Variants in FRMPD4 observed in about 807,000 individuals in gnomAD.
FRMPD4 encodes the protein FERM and PDZ domain containing 4.
Under a neutral mutation model 94.1 loss-of-function variants are expected in FRMPD4, and 22 were observed. The ratio of observed to expected loss-of-function variants is 0.23; its 90% CI spans 0.17 to 0.33. The LOEUF is 0.33. Among genes scored for constraint, FRMPD4 ranks in the 10% least tolerant of loss-of-function variants. FRMPD4 has a pLI of 1.00. For missense variants in FRMPD4, 1,111 were observed against 1,339.9 expected, an observed-to-expected ratio of 0.83 and a Z score of 2.67; for synonymous variants, 631 against 548.6, an observed-to-expected ratio of 1.15 and a Z score of -2.10.
rs374195755 is a variant in FRMPD4, at chrX:12,479,775, T to C, written c.42-18905T>C. On this transcript the variant is annotated intron_variant, in intron 1 of 16. Coordinates refer to ENST00000675598, the MANE Select transcript of FRMPD4 (RefSeq NM_001368397.1). ...TTGGCCTCCCAAAGTATTGGGATTA[T>C]AGGCATGAGCCACTACACCAGGCCT... 7.6e-4 allele frequency among the ~76,000 whole-genome samples: 84 copies of C among 110,439 alleles called. No individual in the cohort carries two copies. The East Asian group carries it at 0.023, about 30-fold the overall frequency.
chrX:12,560,929 C>A (rs2058652589), intron 2 of FRMPD4, among the ~76,000 whole-genome samples: 1 of 98,957 alleles, frequency 1.0e-5, no homozygotes, highest in Non-Finnish European at 2.1e-5. Context: ...GCCACTACGC[C>A]CGGCTAATTT....
intron 1 of FRMPD4, among the ~76,000 whole-genome samples, chrX:12,266,088 A>G (rs1350979856): frequency 2.1e-5 from 2 of 97,050 alleles, no homozygotes; most frequent in African/African-American, 3.9e-5. Context: ...AGCCGAGATC[A>G]AGCCACTGCA....
rs199817174 is a variant in FRMPD4 at position 12,639,710 on chromosome X, GT to G, written c.422+24830del. Among the ~76,000 whole-genome samples the G allele has an allele frequency of 4.1e-3, 456 of 112,305 alleles. 7 individuals are homozygous for G. The highest frequency in any genetic ancestry group is 0.04 in the Admixed American group (425 of 10,566). ...ATGTGTTCTTCCATGATTAATATATGTGAGTATATAATGCTTCACAAATAGT... is the reference window on the plus strand; with the variant it reads ...ATGTGTTCTTCCATGATTAATATATGGAGTATATAATGCTTCACAAATAGT... On this transcript the variant is annotated intron_variant, in intron 4 of 16. Transcript: ENST00000675598.
chrX:12,299,139 C>T (rs1365989333), intron 1 of FRMPD4, among the ~76,000 whole-genome samples: 1 of 111,819 alleles, frequency 8.9e-6, no homozygotes, highest in Non-Finnish European at 1.9e-5. Flanking sequence ...CACATGCATT[C>T]AGTTTAAGAA....
At chrX:12,008,363 C>A (rs187918865) in intron 3 of FRMPD4, among the ~76,000 whole-genome samples, 458 of 111,753 alleles carry the variant, frequency 4.1e-3, no homozygotes, top group Non-Finnish European at 6.7e-3. Context: ...TGGCTGACAT[C>A]AGGACTTTAG....
intron 1 of FRMPD4, among the ~76,000 whole-genome samples, chrX:12,315,395 C>T (rs1181055768): frequency 1.8e-5 from 2 of 112,095 alleles, no homozygotes; most frequent in Non-Finnish European, 3.8e-5. Flanking sequence ...TCACTGACCA[C>T]TTGTACTGCA....
intron 3 of FRMPD4, among the ~76,000 whole-genome samples, chrX:12,058,316 G>A (rs183266354): frequency 5.5e-4 from 62 of 111,715 alleles, no homozygotes; most frequent in Non-Finnish European, 1.1e-3. Context: ...ACATGAGGCA[G>A]ATAGGGGAAG....
chrX:12,343,654 G>A (rs1262539197), intron 1 of FRMPD4, among the ~76,000 whole-genome samples: 2 of 111,975 alleles, frequency 1.8e-5, no homozygotes, highest in Non-Finnish European at 3.8e-5. Flanking sequence ...GATAGTTAAT[G>A]TATTTTTTTA....
At position 12,086,071 on chromosome X, in the gene FRMPD4, C is replaced by CTG. The variant is rs753040402; in HGVS notation, c.95+208058_95+208059dup. Among the ~76,000 whole-genome samples, 449 of 57,316 alleles carry CTG rather than the reference C, an allele frequency of 7.8e-3. 2 individuals carry two copies. Among genetic ancestry groups the CTG allele is most frequent in the African/African-American group, 0.023 (409 of 18,038 alleles). 49.8% of individuals were successfully genotyped at this position (57,316 alleles called of 115,157 possible). Reference sequence around the variant, plus strand: ...TAGTCATTTGCATATCTGCCTGTGTCTGTGTGCGTGTGTGTGTATGTGTGT... The same window carrying CTG: ...TAGTCATTTGCATATCTGCCTGTGTCTGTGTGTGCGTGTGTGTGTATGTGTGT... On this transcript the variant is annotated intron_variant, in intron 3 of 18. Transcript: ENST00000640291.
chrX:12,445,332 G>A (rs2057182466), intron 1 of FRMPD4, among the ~76,000 whole-genome samples: 1 of 112,370 alleles, frequency 8.9e-6, no homozygotes, highest in Non-Finnish European at 1.9e-5. Flanking sequence ...CTGACGTAGA[G>A]CATTCTGTGC....
At chrX:12,099,078 G>C (rs1356749019) in intron 3 of FRMPD4, among the ~76,000 whole-genome samples, 1 of 73,974 alleles carries the variant, frequency 1.4e-5, no homozygotes, top group Non-Finnish European at 2.6e-5. Context: ...TGGGGGGAGG[G>C]GGGAGGGGGG....
rs148817449 is a variant in FRMPD4 at position 12,171,191 on chromosome X, A to G, written c.41+32179A>G. ...TCCAGTACTCTGTGGATGGGACCCT[A>G]CACAGTGAAAAGGCAAAGGACTCAA... On this transcript the variant is annotated intron_variant, in intron 1 of 16. Coordinates refer to ENST00000675598, the MANE Select transcript of FRMPD4 (RefSeq NM_001368397.1). Among the ~76,000 whole-genome samples, 791 of 112,224 alleles carry G rather than the reference A, an allele frequency of 7.0e-3. 5 individuals are homozygous for G. The highest frequency in any genetic ancestry group is 1.0e-2 in the Non-Finnish European group (530 of 53,239).
At chrX:12,076,496 A>T (rs963220425) in intron 3 of FRMPD4, among the ~76,000 whole-genome samples, 4 of 111,023 alleles carry the variant, frequency 3.6e-5, no homozygotes, top group Non-Finnish European at 7.5e-5. Flanking sequence ...ATCAAAGTCT[A>T]TTTGTCAGAA....
chrX:12,311,379 C>T (rs1191027367), intron 1 of FRMPD4, among the ~76,000 whole-genome samples: 2 of 112,309 alleles, frequency 1.8e-5, no homozygotes, highest in Non-Finnish European at 3.8e-5. Context: ...ACTGTATATG[C>T]TGTTATTGTT....
At chrX:12,638,491 C>T (rs1325996828) in intron 4 of FRMPD4, among the ~76,000 whole-genome samples, 1 of 111,270 alleles carries the variant, frequency 9.0e-6, no homozygotes, top group Non-Finnish European at 1.9e-5. Context: ...CCACCTCAGC[C>T]TCCCAAAGTA....
At chrX:12,087,494 G>A (rs1443268552) in intron 3 of FRMPD4, among the ~76,000 whole-genome samples, 2 of 111,675 alleles carry the variant, frequency 1.8e-5, no homozygotes, top group East Asian at 5.6e-4. Flanking sequence ...AGGTAGACAG[G>A]TCTGTTTACC....
upstream of FRMPD4, among the ~76,000 whole-genome samples, chrX:12,135,441 G>A (rs2055588132): frequency 9.2e-6 from 1 of 108,484 alleles, no homozygotes; most frequent in Non-Finnish European, 1.9e-5. Context: ...TTTTTCCATT[G>A]TTGTATTAAT....
At chrX:12,528,902 T>C (rs759642377) in intron 2 of FRMPD4, among the ~76,000 whole-genome samples, 6 of 112,513 alleles carry the variant, frequency 5.3e-5, no homozygotes, top group Non-Finnish European at 1.1e-4. Context: ...TATTCAAGAT[T>C]ATCCAGATCT....
intron 2 of FRMPD4, among the ~76,000 whole-genome samples, chrX:12,508,416 A>C (rs986757732): frequency 8.9e-6 from 1 of 112,542 alleles, no homozygotes; most frequent in Non-Finnish European, 1.9e-5. Flanking sequence ...TCCAGAAATT[A>C]CTGGAGACTC....
Sources: gnomAD v4.1 joint callset for allele counts (sites outside exome capture counted in the v4.1 genomes callset) on GRCh38, gnomAD v4.1.1 for gene constraint, MANE v1.5 for transcripts, NCBI Gene and HGNC (gene_info 2026-07-23, HGNC 2026-07-21) for gene names.